The following TMEM50B variants were observed in gnomAD, a reference collection of about 807,000 sequenced individuals.
TMEM50B encodes the protein HCV p7-trans-regulated protein 3.
A neutral mutation model predicts 23.4 loss-of-function variants in TMEM50B; 14 were observed. That is an observed-to-expected ratio of 0.60 (90% CI 0.39 to 0.93). The LOEUF (loss-of-function observed/expected upper bound fraction) is 0.93, where lower values mean the gene tolerates loss of function less well. TMEM50B is among the 40% of genes least tolerant of loss of function. The pLI, the probability that TMEM50B is intolerant of heterozygous loss-of-function variation, is 0.00. For synonymous variants in TMEM50B, 64 were observed against 62.3 expected, an observed-to-expected ratio of 1.03 and a Z score of -0.13; for missense variants, 159 against 193.0, an observed-to-expected ratio of 0.82 and a Z score of 1.04.
intron 8 of TMEM50B, among the ~76,000 whole-genome samples, chr21:33,437,962 G>A (rs2083973472): frequency 6.7e-6 from 1 of 150,096 alleles, no homozygotes; most frequent in African/African-American, 2.5e-5. Flanking sequence ...CAGCGTGGGA[G>A]GCAGAGCGAG....
chr21:33,436,941 A>G (rs369150049), intron 8 of TMEM50B: 1 of 1,614,036 alleles, frequency 6.2e-7, no homozygotes, highest in Non-Finnish European at 8.5e-7. Flanking sequence ...AGGAGCAAGA[A>G]GATGTTCTCC....
chr21:33,452,965 C>T (rs542374046), intron 6 of TMEM50B, among the ~76,000 whole-genome samples: 1 of 152,206 alleles, frequency 6.6e-6, no homozygotes, highest in South Asian at 2.1e-4. Flanking sequence ...AAGACCCAAT[C>T]AAGCTTCTAG....
intron 8 of TMEM50B, among the ~76,000 whole-genome samples, chr21:33,438,585 G>A (rs1365472762): frequency 1.3e-5 from 2 of 152,120 alleles, no homozygotes; most frequent in East Asian, 3.9e-4. Flanking sequence ...ATCACCTGAG[G>A]TCAGGAGTTC....
chr21:33,466,829 G>A (rs2084268326), intron 3 of TMEM50B, among the ~76,000 whole-genome samples, 181 bp downstream of exon 3: 1 of 151,822 alleles, frequency 6.6e-6, no homozygotes. Context: ...AAAGATATAT[G>A]ACCAAATCCA....
intron 3 of TMEM50B, 23 bp from the exon 4 acceptor site, chr21:33,465,432 A>C: frequency 1.9e-6 from 3 of 1,589,430 alleles, no homozygotes; most frequent in Non-Finnish European, 2.6e-6. Context: ...AAAATCATCA[A>C]ATGAATTTCA....
chr21:33,452,244 A>G (rs1405279568), intron 6 of TMEM50B, among the ~76,000 whole-genome samples: 3 of 152,238 alleles, frequency 2.0e-5, no homozygotes, highest in Non-Finnish European at 4.4e-5. Flanking sequence ...CATCTTTCAA[A>G]ACCAGGAGTG....
At chr21:33,454,102 C>CAAAA (rs35393378) in intron 6 of TMEM50B, among the ~76,000 whole-genome samples, 4 of 100,276 alleles carry the variant, frequency 4.0e-5, no homozygotes, top group African/African-American at 1.1e-4. Context: ...GAATCCAGCT[C>CAAAA]AAAAAAAAAA....
Position 33,464,612 on chromosome 21 carries a change from C to A in TMEM50B, c.280+730G>T, listed in dbSNP as rs190514415. Among the ~76,000 whole-genome samples, 245 of 150,006 alleles carry A rather than the reference C, an allele frequency of 1.6e-3. 2 individuals are homozygous for A. The highest frequency in any genetic ancestry group is 5.7e-3 in the African/African-American group (236 of 41,304). On this transcript the variant is annotated intron_variant, in intron 4 of 6. Coordinates refer to ENST00000542230, the MANE Select transcript of TMEM50B (RefSeq NM_006134.7). ...CCTGAGGTCGGGAGTTCGAGACCAG[C>A]GTGATCAACATGGAGAAACCCCATC... is the stretch of plus-strand genomic sequence containing the variant.
intron 4 of TMEM50B, among the ~76,000 whole-genome samples, chr21:33,462,721 T>C (rs1465624142): frequency 6.6e-6 from 1 of 152,186 alleles, no homozygotes; most frequent in Non-Finnish European, 1.5e-5. Flanking sequence ...TGGAATATTC[T>C]TGAAAGAAAA....
chr21:33,452,914 G>C lies in TMEM50B; in HGVS notation c.432-2051C>G, dbSNP rs534373323. ...TACTCTGTGTGTTCAAGGTGGAAGA[G>C]GGCATGAGCATGTTAAGGGAAGACA... On this transcript the variant is annotated intron_variant, in intron 6 of 6. Coordinates refer to ENST00000542230, the MANE Select transcript of TMEM50B (RefSeq NM_006134.7). Among the ~76,000 whole-genome samples, 8 of 151,640 alleles carry C rather than the reference G, an allele frequency of 5.3e-5. 1 individual carries two copies. In the South Asian group the frequency reaches 1.7e-3, roughly 31 times the overall value.
At chr21:33,470,526 T>TA (rs1011487412) in intron 1 of TMEM50B, among the ~76,000 whole-genome samples, 117 of 147,142 alleles carry the variant, frequency 8.0e-4, no homozygotes, top group African/African-American at 2.7e-3. Flanking sequence ...AGTCAGGAGA[T>TA]AGAGACCATC....
chr21:33,465,486 C>A (rs926445205), intron 3 of TMEM50B, 77 bp from the exon 4 acceptor site: 2 of 1,065,700 alleles, frequency 1.9e-6, no homozygotes, highest in South Asian at 3.2e-5. Flanking sequence ...AACACTTAGA[C>A]GGAAAACAGA....
intron 1 of TMEM50B, among the ~76,000 whole-genome samples, chr21:33,475,111 G>A (rs1246294055): frequency 6.6e-6 from 1 of 151,796 alleles, no homozygotes; most frequent in African/African-American, 2.4e-5. Context: ...ATTTTTGGTA[G>A]AGACAGGGTT....
intron 8 of TMEM50B, chr21:33,439,195 A>G (rs2083986253): frequency 2.6e-5 from 4 of 152,200 alleles, no homozygotes. Flanking sequence ...AGTTGTAGAT[A>G]GGAGTTGTAA....
rs1487501304 is a variant in TMEM50B at position 33,468,920 on chromosome 21, C to A, written c.-35G>T. On this transcript the variant is annotated 5_prime_UTR_variant, in exon 2 of 7. Transcript: ENST00000542230. Reference sequence around the variant, plus strand: ...TTAAGCATAAATTTTTCATTAAATGCTGTATCCTACAAACAGAAAGACAAA... The same window carrying A: ...TTAAGCATAAATTTTTCATTAAATGATGTATCCTACAAACAGAAAGACAAA... 2 of 1,511,802 alleles carry A rather than the reference C, an allele frequency of 1.3e-6. No individual in the cohort carries two copies. The highest frequency in any genetic ancestry group is 1.8e-6 in the Non-Finnish European group (2 of 1,091,272). The allele number at this position is 1,511,802 out of a possible 1,614,324, so 93.6% of individuals were successfully genotyped here.
chr21:33,464,574 G>C (rs1325424878), intron 4 of TMEM50B, among the ~76,000 whole-genome samples: 1 of 149,126 alleles, frequency 6.7e-6, no homozygotes, highest in East Asian at 2.0e-4. Flanking sequence ...GGGAGGCCAA[G>C]GTGGGTGGAT....
At chr21:33,457,241 G>A (rs1219723594) in intron 5 of TMEM50B, among the ~76,000 whole-genome samples, 5 of 151,338 alleles carry the variant, frequency 3.3e-5, no homozygotes, top group South Asian at 2.1e-4. Flanking sequence ...ACGACAGGGC[G>A]AAACTCCATC....
At chr21:33,454,895 TTGTC>T (rs1447348631) in intron 6 of TMEM50B, among the ~76,000 whole-genome samples, 1 of 151,936 alleles carries the variant, frequency 6.6e-6, no homozygotes, top group Non-Finnish European at 1.5e-5. Flanking sequence ...GGCAGGCAAA[TTGTC>T]TGAGCTCAGG....
At chr21:33,466,684 T>C (rs940284912) in intron 3 of TMEM50B, among the ~76,000 whole-genome samples, 4 of 152,074 alleles carry the variant, frequency 2.6e-5, no homozygotes, top group African/African-American at 4.8e-5. Context: ...TACCACTGAC[T>C]GTAAGATGCA....
Sources: gnomAD v4.1 joint callset for allele counts (sites outside exome capture counted in the v4.1 genomes callset) on GRCh38, gnomAD v4.1.1 for gene constraint, MANE v1.5 for transcripts, NCBI Gene and HGNC (gene_info 2026-07-23, HGNC 2026-07-21) for gene names.